SHCBP1: variants seen among roughly 807,000 people sequenced by gnomAD.
The protein encoded by SHCBP1 is SHC SH2 domain-binding protein 1.
In SHCBP1, 60 loss-of-function variants were observed where a neutral mutation model predicts 75.1. The ratio of observed to expected loss-of-function variants is 0.80; its 90% confidence interval spans 0.65 to 0.99. The LOEUF (loss-of-function observed/expected upper bound fraction) is 0.99, where lower values mean the gene tolerates loss of function less well. SHCBP1 is among the 50% of genes least tolerant of loss of function. The probability of loss-of-function intolerance (pLI) is 0.00; values close to 1 mark genes in which losing one functional copy is unlikely to be tolerated. For synonymous variants in SHCBP1, 290 were observed against 293.2 expected, an observed-to-expected ratio of 0.99 and a Z score of 0.11; for missense variants, 709 against 809.4, an observed-to-expected ratio of 0.88 and a Z score of 1.50.
At position 46,604,331 on chromosome 16, in the gene SHCBP1, C is replaced by CA. The variant is rs756072054; in HGVS notation, c.819dup (p.Asp274Ter). The CA allele has an allele frequency of 1.9e-6, 3 of 1,614,194 alleles. No homozygotes were observed. In the South Asian group the frequency reaches 3.3e-5, roughly 18 times the overall value. On this transcript the variant is annotated frameshift_variant, in exon 6 of 13. Coordinates refer to ENST00000303383, the MANE Select transcript of SHCBP1 (RefSeq NM_024745.5). LOFTEE classifies it high-confidence loss of function. Reference sequence around the variant, plus strand: ...ATGGAGATATTTTCCTGCTCGGAATCAGAGTTACAATTTGACAAACTGCTT... The same window carrying CA: ...ATGGAGATATTTTCCTGCTCGGAATCAAGAGTTACAATTTGACAAACTGCTT...
intron 8 of SHCBP1, among the ~76,000 whole-genome samples, chr16:46,600,265 A>G (rs1044560197): frequency 3.9e-5 from 6 of 152,176 alleles, no homozygotes; most frequent in Non-Finnish European, 7.4e-5. Flanking sequence ...AATAATGTTC[A>G]AGACCAGCCT....
At chr16:46,614,916 C>T (rs1210219599) in intron 4 of SHCBP1, among the ~76,000 whole-genome samples, 1 of 152,178 alleles carries the variant, frequency 6.6e-6, no homozygotes, top group Non-Finnish European at 1.5e-5. Flanking sequence ...TCTTTATACA[C>T]TTGACCCTTG....
chr16:46,603,343 A>G (rs1965272425), intron 8 of SHCBP1, among the ~76,000 whole-genome samples, 196 bp downstream of exon 8: 1 of 152,202 alleles, frequency 6.6e-6, no homozygotes, highest in African/African-American at 2.4e-5. Flanking sequence ...ACACTGCTAC[A>G]AAGAACCACA....
chr16:46,600,454 C>T (rs183070421), intron 8 of SHCBP1, among the ~76,000 whole-genome samples: 2 of 152,000 alleles, frequency 1.3e-5, no homozygotes, highest in African/African-American at 2.4e-5. Context: ...TTCTGGGTGA[C>T]AGAATGAGAC....
intron 1 of SHCBP1, 69 bp from the exon 2 acceptor site, chr16:46,618,441 G>T: frequency 7.0e-7 from 1 of 1,428,304 alleles, no homozygotes; most frequent in Non-Finnish European, 9.3e-7. Context: ...TCATATCCTT[G>T]CATAGAAATC....
Position 46,601,739 on chromosome 16 carries a change from CAG to C in SHCBP1, c.1214-1779_1214-1778del, listed in dbSNP as rs555278433. Reference sequence around the variant, plus strand: ...TACAATAACCATTGCTTTTTATCATCAGAAAAATTAAAAGTACAAAAAGAATT... The same window carrying C: ...TACAATAACCATTGCTTTTTATCATCAAAAATTAAAAGTACAAAAAGAATT... On this transcript the variant is annotated intron_variant, in intron 8 of 12. Transcript: ENST00000303383. 2.9e-3 allele frequency among the ~76,000 whole-genome samples: 446 copies of C among 152,192 alleles called. 2 individuals carry two copies. The highest frequency in any genetic ancestry group is 0.01 in the African/African-American group (422 of 41,518).
At chr16:46,610,289 C>A (rs547314429) in intron 4 of SHCBP1, among the ~76,000 whole-genome samples, 3 of 152,138 alleles carry the variant, frequency 2.0e-5, no homozygotes, top group Non-Finnish European at 2.9e-5. Flanking sequence ...TAAAATAAAT[C>A]TTTATACCAA....
chr16:46,615,354 T>G (rs1303147077), intron 4 of SHCBP1, among the ~76,000 whole-genome samples: 1 of 152,118 alleles, frequency 6.6e-6, no homozygotes, highest in Non-Finnish European at 1.5e-5. Flanking sequence ...TGGGGGGAGA[T>G]AGGCACCCCT....
chr16:46,608,901 G>T (rs1380214314), intron 4 of SHCBP1, among the ~76,000 whole-genome samples: 1 of 152,026 alleles, frequency 6.6e-6, no homozygotes, highest in East Asian at 1.9e-4. Flanking sequence ...GCCCAGCCAG[G>T]ACTTTCTTTT....
intron 1 of SHCBP1, 74 bp downstream of exon 1, chr16:46,621,183 G>A: frequency 1.4e-6 from 2 of 1,385,426 alleles, no homozygotes; most frequent in East Asian, 4.9e-5. Flanking sequence ...CGCGACCCAG[G>A]CGCCCTCCTA....
At chr16:46,615,729 G>A (rs188797901) in intron 4 of SHCBP1, among the ~76,000 whole-genome samples, 63 of 152,022 alleles carry the variant, frequency 4.1e-4, no homozygotes, top group Middle Eastern at 3.4e-3. Context: ...AACAGAGCAA[G>A]ACTATGTCTC....
At chr16:46,601,676 G>A (rs1366472770) in intron 8 of SHCBP1, among the ~76,000 whole-genome samples, 2 of 152,140 alleles carry the variant, frequency 1.3e-5, no homozygotes, top group Non-Finnish European at 2.9e-5. Flanking sequence ...TTTTGTTTCT[G>A]ATTGTTGTAT....
In SHCBP1 at chr16:46,604,120, T is replaced by TGTTA; in HGVS notation, c.946_947insTAAC (p.Asn316IlefsTer4). The TGTTA allele has an allele frequency of 3.7e-6, 6 of 1,614,142 alleles. No homozygotes were observed. Among genetic ancestry groups the TGTTA allele is most frequent in the Non-Finnish European group, 5.1e-6 (6 of 1,180,028 alleles). ...GACACCCTTTGCTTGGATGTTAGAATTCTTCTGATAACCAAACACATACCT... is the reference window on the plus strand; with the variant it reads ...GACACCCTTTGCTTGGATGTTAGAATGTTATCTTCTGATAACCAAACACATACCT... On this transcript the variant is annotated frameshift_variant, in exon 7 of 13. Coordinates refer to ENST00000303383, the MANE Select transcript of SHCBP1 (RefSeq NM_024745.5). LOFTEE classifies it high-confidence loss of function.
intron 2 of SHCBP1, 54 bp from the exon 3 acceptor site, chr16:46,617,803 TTAA>T (rs776995275): frequency 1.4e-5 from 18 of 1,324,930 alleles, no homozygotes; most frequent in Admixed American, 3.5e-5. Context: ...CAGAGGGAAG[TTAA>T]TAAATCCACT....
In SHCBP1 at chr16:46,581,121, T is replaced by C. The variant is rs1192924387; in HGVS notation, c.*608A>G. The C allele has an allele frequency of 1.3e-5, 2 of 152,658 alleles. No homozygotes were observed. Among genetic ancestry groups the C allele is most frequent in the Non-Finnish European group, 2.9e-5 (2 of 68,168 alleles). 9.5% of individuals were successfully genotyped at this position (152,658 alleles called of 1,614,324 possible). A position where few individuals can be genotyped will look rare whatever the true frequency, so the allele number is the denominator to read the frequency against. On this transcript the variant is annotated 3_prime_UTR_variant, in exon 13 of 13. Coordinates refer to ENST00000303383, the MANE Select transcript of SHCBP1 (RefSeq NM_024745.5). ...CTCTATGTACAACATTGGCTCTGAATAACACATTTCATTTCTGCTTCAAAC... is the reference window on the plus strand; with the variant it reads ...CTCTATGTACAACATTGGCTCTGAACAACACATTTCATTTCTGCTTCAAAC...
intron 9 of SHCBP1, among the ~76,000 whole-genome samples, 184 bp from the exon 10 acceptor site, chr16:46,595,854 A>C (rs1427147415): frequency 6.6e-6 from 1 of 152,230 alleles, no homozygotes; most frequent in Non-Finnish European, 1.5e-5. Flanking sequence ...ATTTTCTACA[A>C]TCTAAAAGCA....
intron 10 of SHCBP1, among the ~76,000 whole-genome samples, chr16:46,593,474 T>C (rs1378257099): frequency 6.6e-6 from 1 of 152,186 alleles, no homozygotes; most frequent in East Asian, 1.9e-4. Flanking sequence ...CTCATGTTTA[T>C]AATCCCAGCA....
intron 12 of SHCBP1, among the ~76,000 whole-genome samples, chr16:46,583,271 A>C (rs1355345916): frequency 6.6e-6 from 1 of 152,128 alleles, no homozygotes; most frequent in Non-Finnish European, 1.5e-5. Flanking sequence ...TAACCATGAT[A>C]AGAAGGGAAC....
intron 4 of SHCBP1, among the ~76,000 whole-genome samples, chr16:46,613,264 T>C (rs1407580039): frequency 6.6e-6 from 1 of 152,174 alleles, no homozygotes; most frequent in Non-Finnish European, 1.5e-5. Context: ...AGTTCGAGCC[T>C]GCATTGAATC....
Sources: allele counts gnomAD v4.1 joint callset (sites outside exome capture counted in the v4.1 genomes callset), GRCh38; gene constraint gnomAD v4.1.1; transcripts MANE v1.5; gene names NCBI Gene and HGNC (gene_info 2026-07-23, HGNC 2026-07-21).